Variants in AGAP1 observed in about 807,000 individuals in gnomAD.
The protein encoded by AGAP1 is arf-GAP with GTPase, ANK repeat and PH domain-containing protein 1.
Under a neutral mutation model 105.3 loss-of-function variants are expected in AGAP1, and 29 were observed. The observed-to-expected ratio is 0.28, with a 90% CI of 0.21 to 0.38. AGAP1 has a LOEUF of 0.38. AGAP1 is among the 10% of genes least tolerant of loss of function. The pLI, the probability that AGAP1 is intolerant of heterozygous loss-of-function variation, is 1.00. For synonymous variants in AGAP1, 509 were observed against 485.9 expected (o/e 1.05, Z -0.63); for missense variants, 998 against 1,165.1 (o/e 0.86, Z 2.09).
rs2051070495 is a variant in AGAP1, at chr2:235,901,635, C to T, written c.1156-7103C>T. ...GTGGCTCACACCTGTAATCCCAGCA[C>T]TTTGGGAGGCCAAGGCGGGTGGGTC... On this transcript the variant is annotated intron_variant, in intron 10 of 17. Transcript: ENST00000304032. The surrounding 1 kb of genome is among the most constrained non-coding windows in gnomAD (Gnocchi z 4.3). Among the ~76,000 whole-genome samples the T allele has an allele frequency of 6.6e-6, 1 of 152,142 alleles. No individual in the cohort carries two copies.
Position 235,608,536 on chromosome 2 carries a change from C to T in AGAP1, c.164-100643C>T, listed in dbSNP as rs1946023835. On this transcript the variant is annotated intron_variant, in intron 1 of 17. Coordinates refer to ENST00000304032, the MANE Select transcript of AGAP1 (RefSeq NM_001037131.3). This position sits in a 1 kb window ranked among gnomAD's most constrained non-coding sequence, Gnocchi z 5.4. ...AGCGTTGGGCTGGGACCCTCTGCCT[C>T]TCCCAGTGAGACCAACCCTGCCCTC... Among the ~76,000 whole-genome samples the T allele has an allele frequency of 6.6e-6, 1 of 152,156 alleles. No individual in the cohort carries two copies. The highest frequency in any genetic ancestry group is 1.9e-4 in the East Asian group (1 of 5,170).
In AGAP1 at chr2:235,904,193, C is replaced by T. The variant is rs915543911; in HGVS notation, c.1156-4545C>T. On this transcript the variant is annotated intron_variant, in intron 10 of 17. Coordinates refer to ENST00000304032, the MANE Select transcript of AGAP1 (RefSeq NM_001037131.3). This position sits in a 1 kb window ranked among gnomAD's most constrained non-coding sequence, Gnocchi z 4.2. ...ACATTAATGCAGCTAATTAAGTGTA[C>T]GGCAATAGATGCAACATAATTAGGA... 6.6e-6 allele frequency among the ~76,000 whole-genome samples: 1 copy of T among 152,124 alleles called. No homozygotes were observed. The highest frequency in any genetic ancestry group is 2.4e-5 in the African/African-American group (1 of 41,424).
In AGAP1 at chr2:235,663,750, T is replaced by C. The variant is rs191245073; in HGVS notation, c.164-45429T>C. On this transcript the variant is annotated intron_variant, in intron 1 of 17. Transcript: ENST00000304032. The surrounding 1 kb of genome is among the most constrained non-coding windows in gnomAD (Gnocchi z 5.4). Reference sequence around the variant, plus strand: ...ATTCGTTCCTACTCCAGGAAGCTCTTAGGAGAATCCAAATCCGACTTCCCT... The same window carrying C: ...ATTCGTTCCTACTCCAGGAAGCTCTCAGGAGAATCCAAATCCGACTTCCCT... 7.9e-5 allele frequency among the ~76,000 whole-genome samples: 12 copies of C among 152,270 alleles called. No individual in the cohort carries two copies. In the East Asian group the frequency reaches 2.1e-3, roughly 27 times the overall value.
intron 6 of AGAP1, among the ~76,000 whole-genome samples, chr2:235,779,787 G>C (rs576495818): frequency 6.6e-6 from 1 of 152,326 alleles, no homozygotes; most frequent in South Asian, 2.1e-4. Flanking sequence ...TAGGCATAAA[G>C]TGAATGTGAT....
chr2:235,759,164 C>CTTTT lies in AGAP1; in HGVS notation c.673+8695_673+8698dup, dbSNP rs560528348. ...TAGCCCTAGGGTTGTTGATGTCATT[C>CTTTT]TTTTTTTTTTTTTTTTTTTTTTGAG... On this transcript the variant is annotated intron_variant, in intron 6 of 17. Coordinates refer to ENST00000304032, the MANE Select transcript of AGAP1 (RefSeq NM_001037131.3). 2.1e-3 allele frequency among the ~76,000 whole-genome samples: 218 copies of CTTTT among 104,026 alleles called. 1 individual carries two copies. Among genetic ancestry groups the CTTTT allele is most frequent in the Non-Finnish European group, 2.5e-3 (125 of 50,668 alleles). 68.2% of individuals were successfully genotyped at this position (104,026 alleles called of 152,430 possible).
chr2:235,630,777 G>A (rs6705874), intron 1 of AGAP1, among the ~76,000 whole-genome samples: 3,641 of 152,242 alleles, frequency 0.024, 140 homozygotes, highest in African/African-American at 0.081. Flanking sequence ...CATCGGAACA[G>A]GACCACCCTC....
rs1193348594 is a variant in AGAP1 at position 235,927,614 on chromosome 2, G to C, written c.1325-3151G>C. 2.6e-5 allele frequency among the ~76,000 whole-genome samples: 4 copies of C among 152,176 alleles called. No individual in the cohort carries two copies. Among genetic ancestry groups the C allele is most frequent in the Non-Finnish European group, 5.9e-5 (4 of 68,032 alleles). On this transcript the variant is annotated intron_variant, in intron 11 of 17. Coordinates refer to ENST00000304032, the MANE Select transcript of AGAP1 (RefSeq NM_001037131.3). This position sits in a 1 kb window ranked among gnomAD's most constrained non-coding sequence, Gnocchi z 4.4. ...GAACATTTCGTGGTCCCTTGTCTGG[G>C]GTTGAGATTGACTTGGCTCTCCTTA...
intron 1 of AGAP1, among the ~76,000 whole-genome samples, chr2:235,565,315 G>A (rs1944314367): frequency 1.3e-5 from 2 of 152,270 alleles, no homozygotes; most frequent in African/African-American, 2.4e-5. Flanking sequence ...CATGCCACAT[G>A]ACACTCTTTG....
At chr2:235,869,191 C>T (rs945992858) in intron 9 of AGAP1, among the ~76,000 whole-genome samples, 1 of 151,966 alleles carries the variant, frequency 6.6e-6, no homozygotes, top group South Asian at 2.1e-4. Flanking sequence ...CAAGTATAAA[C>T]CCTTGGTTTG....
In AGAP1 at chr2:236,124,979, C is replaced by G; in HGVS notation, c.*857C>G. On this transcript the variant is annotated 3_prime_UTR_variant, in exon 18 of 18. Coordinates refer to ENST00000304032, the MANE Select transcript of AGAP1 (RefSeq NM_001037131.3). The surrounding 1 kb of genome is among the most constrained non-coding windows in gnomAD (Gnocchi z 5.1). ...GACTCCGGTCTCCTTGGTGCAAAAA[C>G]AAAATGGGAAAAATAAATAAGAATA... The G allele has an allele frequency of 6.0e-6, 1 of 166,408 alleles. No homozygotes were observed. 10.3% of individuals were successfully genotyped at this position (166,408 alleles called of 1,614,324 possible).
At chr2:236,037,544 C>T (rs1267529637) in intron 14 of AGAP1, among the ~76,000 whole-genome samples, 4 of 152,058 alleles carry the variant, frequency 2.6e-5, no homozygotes, top group African/African-American at 9.7e-5. Flanking sequence ...GCCTGGCTTG[C>T]TTGCTTATTT....
At chr2:235,653,878 G>T (rs1434570977) in intron 1 of AGAP1, among the ~76,000 whole-genome samples, 1 of 152,172 alleles carries the variant, frequency 6.6e-6, no homozygotes, top group Non-Finnish European at 1.5e-5. Context: ...CCAACATGGT[G>T]AAACCCCGTC....
At chr2:235,745,215 C>A (rs1485637615) in intron 5 of AGAP1, among the ~76,000 whole-genome samples, 1 of 152,114 alleles carries the variant, frequency 6.6e-6, no homozygotes, top group Non-Finnish European at 1.5e-5. Flanking sequence ...GATTTATAAA[C>A]AATCTATTAA....
chr2:235,910,060 T>C (rs1310684224), intron 11 of AGAP1, among the ~76,000 whole-genome samples: 1 of 152,168 alleles, frequency 6.6e-6, no homozygotes, highest in African/African-American at 2.4e-5. Context: ...GTTTCTGGTC[T>C]TTGATGCTGC....
At chr2:235,710,689 T>C (rs1034221374) in intron 2 of AGAP1, among the ~76,000 whole-genome samples, 1 of 152,234 alleles carries the variant, frequency 6.6e-6, no homozygotes, top group African/African-American at 2.4e-5. Flanking sequence ...CTTAAGCCTA[T>C]TGAAGCCGTC....
intron 1 of AGAP1, among the ~76,000 whole-genome samples, chr2:235,618,533 C>A (rs755806845): frequency 1.3e-5 from 2 of 152,160 alleles, no homozygotes; most frequent in Non-Finnish European, 2.9e-5. Flanking sequence ...AGTCTCAATT[C>A]AGGCATAAAG....
In AGAP1 at chr2:235,614,921, T is replaced by A. The variant is rs929901690; in HGVS notation, c.164-94258T>A. ...CCGTATGTGATATTTTACAACAAAT[T>A]TGGTTCACTGGGGCCGACTTGAAAA... On this transcript the variant is annotated intron_variant, in intron 1 of 17. Transcript: ENST00000304032. The surrounding 1 kb of genome is among the most constrained non-coding windows in gnomAD (Gnocchi z 4.7). Among the ~76,000 whole-genome samples the A allele has an allele frequency of 1.3e-5, 2 of 152,206 alleles. No individual in the cohort carries two copies. Among genetic ancestry groups the A allele is most frequent in the Non-Finnish European group, 2.9e-5 (2 of 68,042 alleles).
At chr2:235,677,143 G>A (rs1575100818) in intron 1 of AGAP1, among the ~76,000 whole-genome samples, 2 of 152,336 alleles carry the variant, frequency 1.3e-5, no homozygotes, top group South Asian at 2.1e-4. Context: ...CATGAACGTA[G>A]CTGCTCCTTT....
intron 1 of AGAP1, among the ~76,000 whole-genome samples, chr2:235,546,020 T>G (rs1943610826): frequency 6.6e-6 from 1 of 152,228 alleles, no homozygotes; most frequent in Non-Finnish European, 1.5e-5. Flanking sequence ...GCCCTTGCCT[T>G]CTGTGAGGAG....
Sources: allele counts gnomAD v4.1 joint callset (sites outside exome capture counted in the v4.1 genomes callset), GRCh38; gene constraint gnomAD v4.1.1; non-coding constraint Gnocchi (gnomAD v3.1); transcripts MANE v1.5; gene names NCBI Gene and HGNC (gene_info 2026-07-23, HGNC 2026-07-21).